The following SNAP91 variants were observed in gnomAD, a reference collection of about 807,000 sequenced individuals.
SNAP91 encodes clathrin coat assembly protein AP180.
Under a neutral mutation model 100.3 loss-of-function variants are expected in SNAP91, and 27 were observed. The observed-to-expected ratio is 0.27, with a 90% confidence interval of 0.20 to 0.37. The LOEUF (loss-of-function observed/expected upper bound fraction) is 0.37. Among genes scored for constraint, SNAP91 ranks in the 10% least tolerant of loss-of-function variants. The pLI is 1.00. For synonymous variants in SNAP91, 404 were observed against 398.6 expected (o/e 1.01, Z -0.16); for missense variants, 986 against 1,123.7 (o/e 0.88, Z 1.75).
Position 83,560,927 on chromosome 6 carries a change from G to T in SNAP91, c.2463C>A (p.Thr821=). ...SAPLQGAVPP[T]SSVPPVAGAP... ...CCCCGGCAACAGGAGGAACTGAACT[G>T]GTTGGAGGTACAGCTCCTTGCTACA... The change falls in exon 27 of 30, where the codon ACC becomes ACA. Residue 821 remains threonine, a synonymous_variant. Coordinates refer to ENST00000369694, the MANE Select transcript of SNAP91 (RefSeq NM_001242792.2). The T allele has an allele frequency of 6.2e-7, 1 of 1,610,534 alleles. No homozygotes were observed. Among genetic ancestry groups the T allele is most frequent in the Non-Finnish European group, 8.5e-7 (1 of 1,178,824 alleles).
intron 2 of SNAP91, among the ~76,000 whole-genome samples, chr6:83,675,756 C>T (rs1030417836): frequency 4.6e-5 from 7 of 150,650 alleles, no homozygotes; most frequent in Middle Eastern, 3.4e-3. Flanking sequence ...ATAGCACCTA[C>T]CTGACAGCTG....
At position 83,623,243 on chromosome 6, in the gene SNAP91, C is replaced by T. The variant is rs1166231047; in HGVS notation, c.807+58G>A. 22 of 1,353,202 alleles carry T rather than the reference C, an allele frequency of 1.6e-5. No homozygotes were observed. In the East Asian group the frequency reaches 4.7e-4, roughly 29 times the overall value. 83.8% of individuals were successfully genotyped at this position (1,353,202 alleles called of 1,614,324 possible). A position where few individuals can be genotyped will look rare whatever the true frequency, so the allele number is the denominator to read the frequency against. Reference sequence around the variant, plus strand: ...CTTACAAGACTATGCCCATTTGTGGCAATATATGTTGTAATAATCTCATGC... The same window carrying T: ...CTTACAAGACTATGCCCATTTGTGGTAATATATGTTGTAATAATCTCATGC... On this transcript the variant is annotated intron_variant, in intron 9 of 29. Transcript: ENST00000369694.
chr6:83,626,989 G>A (rs2096960054), intron 8 of SNAP91, among the ~76,000 whole-genome samples: 1 of 152,010 alleles, frequency 6.6e-6, no homozygotes, highest in South Asian at 2.1e-4. Context: ...TTGGCTGTGG[G>A]TTTGTCATAG....
At chr6:83,697,265 T>C (rs1253074502) in intron 2 of SNAP91, among the ~76,000 whole-genome samples, 5 of 151,084 alleles carry the variant, frequency 3.3e-5, no homozygotes, top group Non-Finnish European at 1.5e-5. Flanking sequence ...TTATAAATTA[T>C]AAAATGAATA....
chr6:83,595,209 A>G (rs1416203374), intron 16 of SNAP91, among the ~76,000 whole-genome samples: 1 of 152,236 alleles, frequency 6.6e-6, no homozygotes, highest in Admixed American at 6.5e-5. Flanking sequence ...AGTCTTCACT[A>G]TCCTTGAAAA....
rs189378324 is a variant in SNAP91, at chr6:83,563,204, G to A, written c.2443-2257C>T. The stretch of plus-strand genomic sequence containing the variant: ...ACTGTAAACAGCAACCCGCTTTTGA[G>A]GCCTGTCAGGGCAGGGTTAGAGTTT... On this transcript the variant is annotated intron_variant, in intron 26 of 29. Transcript: ENST00000369694. Among the ~76,000 whole-genome samples, 41 of 152,278 alleles carry A rather than the reference G, an allele frequency of 2.7e-4. 1 individual carries two copies. The highest frequency in any genetic ancestry group is 9.9e-4 in the African/African-American group (41 of 41,540).
intron 9 of SNAP91, among the ~76,000 whole-genome samples, chr6:83,619,529 A>G (rs2128383021): frequency 6.6e-6 from 1 of 152,326 alleles, no homozygotes; most frequent in Non-Finnish European, 1.5e-5. Context: ...GTTTTTAAAA[A>G]TGTCAAAGTC....
intron 8 of SNAP91, among the ~76,000 whole-genome samples, chr6:83,632,977 G>A (rs2097271947): frequency 6.6e-6 from 1 of 152,168 alleles, no homozygotes; most frequent in African/African-American, 2.4e-5. Context: ...CATATTATCA[G>A]AGTTGGTTTT....
chr6:83,678,282 T>C (rs750619163), intron 2 of SNAP91, among the ~76,000 whole-genome samples: 34 of 152,140 alleles, frequency 2.2e-4, no homozygotes, highest in African/African-American at 4.3e-4. Context: ...CCAACACCGA[T>C]TGACCAGCCC....
intron 7 of SNAP91, among the ~76,000 whole-genome samples, chr6:83,647,101 T>C (rs111704467): frequency 0.011 from 1,695 of 152,064 alleles, 24 homozygotes; most frequent in African/African-American, 0.036. Context: ...GTCGATTCTT[T>C]TGGATTTTCT....
At chr6:83,567,629 T>A (rs1162913984) in intron 26 of SNAP91, among the ~76,000 whole-genome samples, 2 of 151,872 alleles carry the variant, frequency 1.3e-5, no homozygotes, top group Admixed American at 6.6e-5. Context: ...TCCAGAATCC[T>A]CAAAGAACTC....
intron 7 of SNAP91, among the ~76,000 whole-genome samples, chr6:83,643,709 A>T (rs144361056): frequency 2.3e-4 from 35 of 152,332 alleles, no homozygotes; most frequent in African/African-American, 7.7e-4. Context: ...TACACAAAGA[A>T]CTAATTATCA....
chr6:83,663,450 A>G (rs1312177287), intron 3 of SNAP91, among the ~76,000 whole-genome samples: 1 of 152,194 alleles, frequency 6.6e-6, no homozygotes, highest in Admixed American at 6.5e-5. Context: ...CACAAATGAT[A>G]AGAAAGTGAA....
intron 9 of SNAP91, among the ~76,000 whole-genome samples, chr6:83,621,271 G>A (rs542317552): frequency 1.1e-3 from 167 of 152,264 alleles, no homozygotes; most frequent in African/African-American, 3.9e-3. Flanking sequence ...CTCCATCCAT[G>A]TCTCTGCAAA....
intron 9 of SNAP91, among the ~76,000 whole-genome samples, chr6:83,620,705 G>GTT (rs111238933): frequency 2.7e-5 from 4 of 146,564 alleles, no homozygotes; most frequent in African/African-American, 9.9e-5. Flanking sequence ...CTATGAACAG[G>GTT]TTTTTTTTTT....
At chr6:83,657,408 A>G (rs952066243) in intron 6 of SNAP91, among the ~76,000 whole-genome samples, 2 of 152,170 alleles carry the variant, frequency 1.3e-5, no homozygotes, top group African/African-American at 4.8e-5. Context: ...TTTTCCCTTT[A>G]TGACTTTCTC....
chr6:83,683,231 A>C (rs1262045671), intron 2 of SNAP91, among the ~76,000 whole-genome samples: 1 of 152,076 alleles, frequency 6.6e-6, no homozygotes, highest in Non-Finnish European at 1.5e-5. Context: ...GGGTGTGCCT[A>C]AGATGATTTC....
intron 26 of SNAP91, among the ~76,000 whole-genome samples, chr6:83,572,647 G>A (rs912827761): frequency 2.0e-5 from 3 of 151,946 alleles, no homozygotes; most frequent in African/African-American, 4.8e-5. Flanking sequence ...ACTTTAGACT[G>A]TGCTACTACC....
At chr6:83,569,693 G>A (rs979628858) in intron 26 of SNAP91, among the ~76,000 whole-genome samples, 3 of 152,128 alleles carry the variant, frequency 2.0e-5, no homozygotes, top group Non-Finnish European at 4.4e-5. Flanking sequence ...GGGAGGGCCT[G>A]GTGGGAGGTA....
Sources: gnomAD v4.1 joint callset for allele counts (sites outside exome capture counted in the v4.1 genomes callset) on GRCh38, gnomAD v4.1.1 for gene constraint, MANE v1.5 for transcripts, NCBI Gene and HGNC (gene_info 2026-07-23, HGNC 2026-07-21) for gene names.